Variants in PRKAG2 observed in about 807,000 individuals in gnomAD.
PRKAG2 encodes the protein protein kinase AMP-activated non-catalytic subunit gamma 2.
Under a neutral mutation model 69.6 loss-of-function variants are expected in PRKAG2, and 26 were observed. That is an observed-to-expected ratio of 0.37 (90% confidence interval 0.27 to 0.52). The LOEUF (loss-of-function observed/expected upper bound fraction) is 0.52, where lower values mean the gene tolerates loss of function less well. Ranked by LOEUF, PRKAG2 falls within the 20% of genes least tolerant of loss-of-function variation. The probability of loss-of-function intolerance (pLI) is 0.90; values close to 1 mark genes in which losing one functional copy is unlikely to be tolerated. For synonymous variants in PRKAG2, 293 were observed against 285.0 expected (o/e 1.03, Z -0.28); for missense variants, 557 against 740.0 (o/e 0.75, Z 2.87).
intron 3 of PRKAG2, among the ~76,000 whole-genome samples, chr7:151,743,065 T>C (rs2074013146): frequency 6.6e-6 from 1 of 151,986 alleles, no homozygotes; most frequent in South Asian, 2.1e-4. Context: ...CAGTCGATGA[T>C]CCCACATGAA....
intron 5 of PRKAG2, among the ~76,000 whole-genome samples, chr7:151,597,826 C>CCA (rs1554482798): frequency 2.0e-5 from 3 of 149,056 alleles, no homozygotes; most frequent in East Asian, 4.1e-4. Flanking sequence ...GGGAGCCCCC[C>CCA]CCCCCGCTCT....
intron 4 of PRKAG2, among the ~76,000 whole-genome samples, chr7:151,660,159 A>G (rs1830103961): frequency 6.6e-6 from 1 of 152,226 alleles, no homozygotes; most frequent in South Asian, 2.1e-4. Context: ...TGAGTAGTGA[A>G]CACATAGACT....
chr7:151,561,515 T>C (rs1449664993), intron 14 of PRKAG2, among the ~76,000 whole-genome samples: 1 of 152,246 alleles, frequency 6.6e-6, no homozygotes, highest in African/African-American at 2.4e-5. Flanking sequence ...TGAAGTGGGA[T>C]AGACTACGTC....
At chr7:151,820,901 G>GCT (rs1443377614) in intron 1 of PRKAG2, among the ~76,000 whole-genome samples, 1 of 30,076 alleles carries the variant, frequency 3.3e-5, no homozygotes, top group South Asian at 8.6e-4. Context: ...CACCACTCCC[G>GCT]CTCTCTCTCT....
chr7:151,791,697 A>C (rs768995109), intron 1 of PRKAG2, among the ~76,000 whole-genome samples: 8 of 152,242 alleles, frequency 5.3e-5, no homozygotes, highest in Non-Finnish European at 8.8e-5. Context: ...AAAAGCCCTA[A>C]ATCTGAGAGA....
intron 3 of PRKAG2, among the ~76,000 whole-genome samples, chr7:151,748,519 G>A (rs1016807505): frequency 1.3e-5 from 2 of 152,110 alleles, no homozygotes; most frequent in African/African-American, 4.8e-5. Flanking sequence ...TAAAATAGTT[G>A]ACGAGGCATA....
Position 151,567,640 on chromosome 7 carries a change from C to T in PRKAG2, c.1233+1076G>A, listed in dbSNP as rs1376327305. On this transcript the variant is annotated intron_variant, in intron 11 of 15. Transcript: ENST00000287878. The surrounding 1 kb of genome is among the most constrained non-coding windows in gnomAD (Gnocchi z 4.2). ...CTAATCCCTTTTTCCTAGATTATCG[C>T]CTTTATTAAACTTCAGACTTGAGTT... Among the ~76,000 whole-genome samples, 3 of 152,142 alleles carry T rather than the reference C, an allele frequency of 2.0e-5. No homozygotes were observed. Among genetic ancestry groups the T allele is most frequent in the African/African-American group, 7.2e-5 (3 of 41,428 alleles).
intron 3 of PRKAG2, among the ~76,000 whole-genome samples, chr7:151,734,648 C>T (rs185418469): frequency 1.3e-5 from 2 of 152,276 alleles, no homozygotes; most frequent in East Asian, 1.9e-4. Context: ...CTCCTGGGCT[C>T]AAGGGAGCCT....
rs573316721 is a variant in PRKAG2, at chr7:151,874,136, G to A, written c.114+2371C>T. On this transcript the variant is annotated intron_variant, in intron 1 of 15. Coordinates refer to ENST00000287878, the MANE Select transcript of PRKAG2 (RefSeq NM_016203.4). ...ATATGTATATGTATATGATGTATAT[G>A]TATATATGTATATGTATATGATGTA... Among the ~76,000 whole-genome samples the A allele has an allele frequency of 2.4e-5, 3 of 127,454 alleles. 1 individual carries two copies. The highest frequency in any genetic ancestry group is 5.0e-5 in the Non-Finnish European group (3 of 60,356). The allele number at this position is 127,454 out of a possible 152,430, so 83.6% of individuals were successfully genotyped here. A position where few individuals can be genotyped will look rare whatever the true frequency, so the allele number is the denominator to read the frequency against.
At chr7:151,872,293 G>A (rs372384950) in intron 1 of PRKAG2, among the ~76,000 whole-genome samples, 1 of 152,166 alleles carries the variant, frequency 6.6e-6, no homozygotes, top group Non-Finnish European at 1.5e-5. Context: ...CCTGGGGGGG[G>A]GCTTTTGCCA....
At chr7:151,867,462 GC>G (rs2080108534) in intron 1 of PRKAG2, among the ~76,000 whole-genome samples, 1 of 152,106 alleles carries the variant, frequency 6.6e-6, no homozygotes, top group Non-Finnish European at 1.5e-5. Flanking sequence ...TGCAATCTCT[GC>G]CTCCGCCCTC....
chr7:151,866,578 T>C (rs912069863), intron 1 of PRKAG2, among the ~76,000 whole-genome samples: 1 of 152,144 alleles, frequency 6.6e-6, no homozygotes, highest in South Asian at 2.1e-4. Flanking sequence ...ATCAGCACCA[T>C]GAATGCAACT....
Position 151,814,972 on chromosome 7 carries a change from A to C in PRKAG2, c.115-28431T>G, listed in dbSNP as rs2078598317. On this transcript the variant is annotated intron_variant, in intron 1 of 15. Coordinates refer to ENST00000287878, the MANE Select transcript of PRKAG2 (RefSeq NM_016203.4). This position sits in a 1 kb window ranked among gnomAD's most constrained non-coding sequence, Gnocchi z 4.8. ...AGGCAGGAGCAGAGGCCGATGATGCAGCAGTGGACAGCTCTGGGCTCCAGG... is the reference window on the plus strand; with the variant it reads ...AGGCAGGAGCAGAGGCCGATGATGCCGCAGTGGACAGCTCTGGGCTCCAGG... The C allele has an allele frequency of 6.3e-6, 5 of 791,274 alleles. No individual in the cohort carries two copies. Among genetic ancestry groups the C allele is most frequent in the Non-Finnish European group, 8.5e-6 (5 of 586,544 alleles). 49.0% of individuals were successfully genotyped at this position (791,274 alleles called of 1,614,324 possible). A position where few individuals can be genotyped will look rare whatever the true frequency, so the allele number is the denominator to read the frequency against.
intron 1 of PRKAG2, among the ~76,000 whole-genome samples, chr7:151,796,936 T>G (rs1250695046): frequency 6.6e-6 from 1 of 152,150 alleles, no homozygotes; most frequent in African/African-American, 2.4e-5. Flanking sequence ...AGGCCAGCTC[T>G]GGGGTTCTGG....
intron 15 of PRKAG2, chr7:151,559,563 A>T (rs1438508753): frequency 1.0e-6 from 1 of 984,838 alleles, no homozygotes; most frequent in Non-Finnish European, 1.2e-6. Context: ...CTGTACTGGA[A>T]TTTCTCTTGG....
intron 3 of PRKAG2, among the ~76,000 whole-genome samples, chr7:151,715,608 G>A (rs1024370733): frequency 1.6e-4 from 25 of 151,734 alleles, no homozygotes; most frequent in African/African-American, 5.6e-4. Context: ...CACCTGCCTC[G>A]GCCTCCCAAA....
chr7:151,699,483 G>A lies in PRKAG2; in HGVS notation c.467-23846C>T, dbSNP rs1386442544. 1.3e-5 allele frequency among the ~76,000 whole-genome samples: 2 copies of A among 152,214 alleles called. No individual in the cohort carries two copies. The highest frequency in any genetic ancestry group is 4.8e-5 in the African/African-American group (2 of 41,448). On this transcript the variant is annotated intron_variant, in intron 3 of 15. Coordinates refer to ENST00000287878, the MANE Select transcript of PRKAG2 (RefSeq NM_016203.4). The surrounding 1 kb of genome is among the most constrained non-coding windows in gnomAD (Gnocchi z 4.5). Reference sequence around the variant, plus strand: ...GACTTTATCATGAAGGCCAGCACAGGAGGCCCCTCCTTCCTGTTGGAGATG... The same window carrying A: ...GACTTTATCATGAAGGCCAGCACAGAAGGCCCCTCCTTCCTGTTGGAGATG...
chr7:151,676,904 C>T (rs558599353), intron 3 of PRKAG2, among the ~76,000 whole-genome samples: 6 of 152,306 alleles, frequency 3.9e-5, no homozygotes, highest in South Asian at 2.1e-4. Context: ...AGGCAGCGAT[C>T]GGAGCAATGC....
chr7:151,767,957 A>G (rs1323497405), intron 3 of PRKAG2, among the ~76,000 whole-genome samples: 1 of 152,202 alleles, frequency 6.6e-6, no homozygotes, highest in Non-Finnish European at 1.5e-5. Context: ...GCAGAGCCTG[A>G]GGCAAGGATT....
Sources: gnomAD v4.1 joint callset for allele counts (sites outside exome capture counted in the v4.1 genomes callset) on GRCh38, gnomAD v4.1.1 for gene constraint, Gnocchi (gnomAD v3.1) non-coding constraint, MANE v1.5 for transcripts, NCBI Gene and HGNC (gene_info 2026-07-23, HGNC 2026-07-21) for gene names.